RBM39: variants seen among roughly 807,000 people sequenced by gnomAD.
RBM39 encodes RNA-binding protein 39.
Under a neutral mutation model 79.6 loss-of-function variants are expected in RBM39, and 12 were observed. The ratio of observed to expected loss-of-function variants is 0.15; its 90% confidence interval spans 0.10 to 0.24. The LOEUF is 0.24. Among genes scored for constraint, RBM39 ranks in the 10% least tolerant of loss-of-function variants. The probability of loss-of-function intolerance (pLI) is 1.00; values close to 1 mark genes in which losing one functional copy is unlikely to be tolerated. For synonymous variants in RBM39, 185 were observed against 208.4 expected, an observed-to-expected ratio of 0.89 and a Z score of 0.97; for missense variants, 243 against 653.4, an observed-to-expected ratio of 0.37 and a Z score of 6.85.
chr20:35,712,883 T>C (rs980145054), intron 12 of RBM39, 136 bp downstream of exon 12: 2 of 640,404 alleles, frequency 3.1e-6, no homozygotes, highest in African/African-American at 1.8e-5. Context: ...CTTCCTTAAA[T>C]AGAAGACTAC....
chr20:35,723,182 A>G (rs942279656), intron 8 of RBM39, among the ~76,000 whole-genome samples: 2 of 152,002 alleles, frequency 1.3e-5, no homozygotes, highest in Non-Finnish European at 2.9e-5. Context: ...TGTATCACCA[A>G]GCAAACATTT....
intron 14 of RBM39, 131 bp from the exon 15 acceptor site, chr20:35,705,461 C>A: frequency 1.7e-6 from 1 of 587,656 alleles, no homozygotes; most frequent in South Asian, 2.3e-5. Context: ...ATTGACAGAA[C>A]GTCTCTGCCC....
At chr20:35,718,247 A>C (rs1326331155) in intron 9 of RBM39, among the ~76,000 whole-genome samples, 1 of 151,830 alleles carries the variant, frequency 6.6e-6, no homozygotes, top group Non-Finnish European at 1.5e-5. Flanking sequence ...TAAGCCACAG[A>C]AAGTCTATGG....
At chr20:35,705,765 G>A (rs557256555) in intron 14 of RBM39, among the ~76,000 whole-genome samples, 55 of 150,464 alleles carry the variant, frequency 3.7e-4, no homozygotes, top group African/African-American at 1.3e-3. Context: ...ATCCCTGCAT[G>A]CCAGCCTAGG....
chr20:35,720,355 G>C (rs562611483), intron 9 of RBM39, among the ~76,000 whole-genome samples: 2 of 152,150 alleles, frequency 1.3e-5, no homozygotes, highest in Non-Finnish European at 2.9e-5. Flanking sequence ...CTGTGAAGCA[G>C]ATCAAGTTGG....
At chr20:35,728,051 T>C (rs2038953018) in intron 6 of RBM39, among the ~76,000 whole-genome samples, 1 of 152,208 alleles carries the variant, frequency 6.6e-6, no homozygotes, top group Non-Finnish European at 1.5e-5. Flanking sequence ...TCTCCCAAAG[T>C]GCTGGGATTA....
At chr20:35,739,683 TA>T (rs137947786) in intron 2 of RBM39, 2 of 344,048 alleles carry the variant, frequency 5.8e-6, no homozygotes, top group South Asian at 2.3e-5. Context: ...ACATCCATGT[TA>T]AAAAAAACTA....
At chr20:35,707,903 T>G (rs2035942536) in intron 13 of RBM39, 3 of 467,202 alleles carry the variant, frequency 6.4e-6, no homozygotes, top group Non-Finnish European at 1.3e-5. Context: ...TTCACGTGAT[T>G]TACAAAAATA....
At chr20:35,730,915 T>C (rs1025692235) in intron 4 of RBM39, among the ~76,000 whole-genome samples, 2 of 152,154 alleles carry the variant, frequency 1.3e-5, no homozygotes, top group Non-Finnish European at 2.9e-5. Flanking sequence ...CTTTTTATTT[T>C]AAAGATAAAA....
chr20:35,739,746 G>C (rs2040327094), intron 2 of RBM39: 1 of 308,210 alleles, frequency 3.2e-6, no homozygotes, highest in African/African-American at 2.2e-5. Context: ...AAGAGTCTAA[G>C]CATTACAAAA....
intron 3 of RBM39, among the ~76,000 whole-genome samples, chr20:35,735,300 T>C (rs1394462340): frequency 6.6e-6 from 1 of 152,216 alleles, no homozygotes; most frequent in Non-Finnish European, 1.5e-5. Flanking sequence ...GCACTTAGGA[T>C]GCATACCTTG....
intron 14 of RBM39, among the ~76,000 whole-genome samples, chr20:35,706,118 C>T (rs6060573): frequency 3.3e-5 from 5 of 152,278 alleles, no homozygotes; most frequent in African/African-American, 1.2e-4. Context: ...GCGAGCAGAT[C>T]ACTTAAGGTC....
At chr20:35,734,680 A>G (rs1016462364) in intron 3 of RBM39, 7 of 547,484 alleles carry the variant, frequency 1.3e-5, no homozygotes, top group Non-Finnish European at 2.0e-5. Context: ...GACTTTTTGT[A>G]AACAAGTCCT....
At chr20:35,728,444 A>T (rs926293445) in intron 6 of RBM39, among the ~76,000 whole-genome samples, 5 of 152,230 alleles carry the variant, frequency 3.3e-5, no homozygotes, top group Non-Finnish European at 7.3e-5. Context: ...AATAAATGCA[A>T]AAAGTTTATT....
At chr20:35,733,355 C>G (rs573486335) in intron 3 of RBM39, among the ~76,000 whole-genome samples, 1 of 150,454 alleles carries the variant, frequency 6.6e-6, no homozygotes, top group East Asian at 1.9e-4. Context: ...CACCTGTAAT[C>G]TCAGCACTTT....
At chr20:35,738,854 C>T in intron 3 of RBM39, 114 bp downstream of exon 3, 1 of 922,198 alleles carries the variant, frequency 1.1e-6, no homozygotes, top group East Asian at 2.7e-5. Flanking sequence ...CTAAAAGCAG[C>T]AAAGAAAAGC....
chr20:35,704,367 G>A lies in RBM39; in HGVS notation c.*114C>T, dbSNP rs2035476498. Reference sequence around the variant, plus strand: ...TATTTTTTCAAGGTAACAGGAAATTGCATACAAATGACAGTAGATCCTTGC... The same window carrying A: ...TATTTTTTCAAGGTAACAGGAAATTACATACAAATGACAGTAGATCCTTGC... On this transcript the variant is annotated 3_prime_UTR_variant, in exon 17 of 17. Coordinates refer to ENST00000253363, the MANE Select transcript of RBM39 (RefSeq NM_184234.3). The A allele has an allele frequency of 1.1e-5, 8 of 736,594 alleles. No individual in the cohort carries two copies. The highest frequency in any genetic ancestry group is 1.8e-5 in the Non-Finnish European group (8 of 456,138). The allele number at this position is 736,594 out of a possible 1,614,324, so 45.6% of individuals were successfully genotyped here.
At chr20:35,720,392 A>C (rs959868088) in intron 9 of RBM39, among the ~76,000 whole-genome samples, 3 of 152,120 alleles carry the variant, frequency 2.0e-5, no homozygotes, top group Non-Finnish European at 4.4e-5. Context: ...GTAACAGCTC[A>C]TGTGGCCCCA....
At chr20:35,734,922 T>C (rs745508432) in intron 3 of RBM39, 44 of 1,581,394 alleles carry the variant, frequency 2.8e-5, no homozygotes, top group Non-Finnish European at 3.5e-5. Context: ...AAGTCTTTAA[T>C]GGCAGTGAAA....
Sources: allele counts gnomAD v4.1 joint callset (sites outside exome capture counted in the v4.1 genomes callset), GRCh38; gene constraint gnomAD v4.1.1; transcripts MANE v1.5; gene names NCBI Gene and HGNC (gene_info 2026-07-23, HGNC 2026-07-21).